ATP13A1: variants seen among roughly 807,000 people sequenced by gnomAD.
ATP13A1 encodes the protein endoplasmic reticulum transmembrane helix translocase.
Under a neutral mutation model 134.8 loss-of-function variants are expected in ATP13A1, and 55 were observed. The ratio of observed to expected loss-of-function variants is 0.41; its 90% CI spans 0.33 to 0.51. ATP13A1 has a LOEUF of 0.51. ATP13A1 is among the 20% of genes least tolerant of loss of function. ATP13A1 has a pLI of 0.29. For missense variants in ATP13A1, 1,389 were observed against 1,652.8 expected, an observed-to-expected ratio of 0.84 and a Z score of 2.77; for synonymous variants, 775 against 725.1, an observed-to-expected ratio of 1.07 and a Z score of -1.10.
Position 19,647,538 on chromosome 19 carries a change from A to G in ATP13A1, c.2794-10T>C. ...CCTGGCTCAGGCGGTCCTGCAGGGT[A>G]GACAGCAGGCTGTCAGCCCTGGCCA... On this transcript the variant is annotated splice_polypyrimidine_tract_variant and intron_variant, in intron 20 of 25. Transcript: ENST00000357324. The surrounding 1 kb of genome is among the most constrained non-coding windows in gnomAD (Gnocchi z 4.8). 2 of 1,612,380 alleles carry G rather than the reference A, an allele frequency of 1.2e-6. No individual in the cohort carries two copies. Among genetic ancestry groups the G allele is most frequent in the Non-Finnish European group, 1.7e-6 (2 of 1,179,102 alleles).
At chr19:19,661,948 T>A (rs2062097480) in intron 1 of ATP13A1, 10 of 1,314,844 alleles carry the variant, frequency 7.6e-6, no homozygotes, top group Non-Finnish European at 1.1e-5. Context: ...TCTGCAGATA[T>A]CATCTCCGCT....
At position 19,654,612 on chromosome 19, in the gene ATP13A1, C is replaced by G; in HGVS notation, c.1744G>C (p.Asp582His). The stretch of plus-strand genomic sequence containing the variant: ...AGAGGGTCACCCACGAGGGTGCCGT[C>G]GTCCAGCTGCATGAGCGAGTGGCAC... ...ASCHSLMQLD[D>H]GTLVGDPLEK... Residue 582 changes from aspartate (D) to histidine (H), a missense_variant, in exon 13 of 26, where the codon GAC becomes CAC. Around this residue, in one of 4 missense-constraint regions of ATP13A1, gnomAD observed 747 missense variants for 956.1 expected, o/e 0.78. Coordinates refer to ENST00000357324, the MANE Select transcript of ATP13A1 (RefSeq NM_020410.3). 1.2e-6 allele frequency: 2 copies of G among 1,613,506 alleles called. No homozygotes were observed. The highest frequency in any genetic ancestry group is 1.7e-6 in the Non-Finnish European group (2 of 1,179,858).
chr19:19,663,545 G>A lies in ATP13A1; in HGVS notation c.122C>T (p.Ala41Val), dbSNP rs1264436466. ...CAGCTCGTCACCGTTCGCTATGAGCGCCGGCCCGGCGGCAAGGAGCGCGCG... is the reference window on the plus strand; with the variant it reads ...CAGCTCGTCACCGTTCGCTATGAGCACCGGCCCGGCGGCAAGGAGCGCGCG... ...QPRALLAAGP[A>V]LIANGDELVA... The change falls in exon 1 of 26, where the codon GCG becomes GTG. Residue 41 changes from alanine to valine, a missense_variant. By Grantham distance (64) the Ala-to-Val change is moderately conservative. Coordinates refer to ENST00000357324, the MANE Select transcript of ATP13A1 (RefSeq NM_020410.3). The A allele has an allele frequency of 6.6e-6, 10 of 1,517,838 alleles. No homozygotes were observed. Among genetic ancestry groups the A allele is most frequent in the Non-Finnish European group, 7.0e-6 (8 of 1,140,824 alleles). 94.0% of individuals were successfully genotyped at this position (1,517,838 alleles called of 1,614,324 possible). A position where few individuals can be genotyped will look rare whatever the true frequency, so the allele number is the denominator to read the frequency against.
rs1599424901 is a variant in ATP13A1 at position 19,645,551 on chromosome 19, A to G, written c.3505-19T>C. On this transcript the variant is annotated intron_variant, in intron 25 of 25. Coordinates refer to ENST00000357324, the MANE Select transcript of ATP13A1 (RefSeq NM_020410.3). The surrounding 1 kb of genome is among the most constrained non-coding windows in gnomAD (Gnocchi z 4.1). ...GCTTGAACTGTCGGGGCAGGGAGGG[A>G]TGGTGAGCTGGAGACCTGCAGCCCA... The G allele has an allele frequency of 1.3e-6, 2 of 1,579,680 alleles. No homozygotes were observed. The highest frequency in any genetic ancestry group is 1.7e-6 in the Non-Finnish European group (2 of 1,163,066).
Position 19,656,042 on chromosome 19 carries a change from T to G in ATP13A1, c.1213+12A>C. 1.9e-6 allele frequency: 3 copies of G among 1,613,086 alleles called. No homozygotes were observed. Among genetic ancestry groups the G allele is most frequent in the South Asian group, 1.1e-5 (1 of 91,088 alleles). ...AAGCCCAGATACCCCCAGACGCCCA[T>G]GAGGCACCTACGCTTCAGGCCCGTG... On this transcript the variant is annotated intron_variant, in intron 8 of 25. Transcript: ENST00000357324. The surrounding 1 kb of genome is among the most constrained non-coding windows in gnomAD (Gnocchi z 4.6).
Position 19,655,282 on chromosome 19 carries a change from C to T in ATP13A1, c.1534+34G>A. 6.2e-7 allele frequency: 1 copy of T among 1,613,946 alleles called. No homozygotes were observed. The highest frequency in any genetic ancestry group is 8.5e-7 in the Non-Finnish European group (1 of 1,179,890). On this transcript the variant is annotated intron_variant, in intron 11 of 25. Coordinates refer to ENST00000357324, the MANE Select transcript of ATP13A1 (RefSeq NM_020410.3). This position sits in a 1 kb window ranked among gnomAD's most constrained non-coding sequence, Gnocchi z 5.7. ...GTCAGGGGTCCTGCTTGGCCCCAGCCCACTCGGCACCCCATCCCATTTGAC... is the reference window on the plus strand; with the variant it reads ...GTCAGGGGTCCTGCTTGGCCCCAGCTCACTCGGCACCCCATCCCATTTGAC...
chr19:19,658,881 C>T (rs28635562), intron 3 of ATP13A1, among the ~76,000 whole-genome samples: 44,411 of 151,450 alleles, frequency 0.29, 6,973 homozygotes, highest in African/African-American at 0.4. Context: ...TTTAGGAGGA[C>T]TGCTTGAGGC....
chr19:19,657,637 G>A (rs778902426), intron 3 of ATP13A1, among the ~76,000 whole-genome samples: 2 of 152,194 alleles, frequency 1.3e-5, no homozygotes, highest in Admixed American at 6.5e-5. Context: ...CACAGCCCTC[G>A]GCTCTGCATA....
chr19:19,647,039 G>A lies in ATP13A1; in HGVS notation c.3105+90C>T. On this transcript the variant is annotated intron_variant, in intron 22 of 25. Transcript: ENST00000357324. The surrounding 1 kb of genome is among the most constrained non-coding windows in gnomAD (Gnocchi z 4.8). The stretch of plus-strand genomic sequence containing the variant: ...CCCCATCTCTGGGGCCCTGGGTCCT[G>A]TAACTTGGGGATGACAATTCCCGTG... 3.6e-6 allele frequency: 5 copies of A among 1,397,856 alleles called. No individual in the cohort carries two copies. The highest frequency in any genetic ancestry group is 3.9e-6 in the Non-Finnish European group (4 of 1,033,030). The allele number at this position is 1,397,856 out of a possible 1,614,324, so 86.6% of individuals were successfully genotyped here.
chr19:19,651,708 C>T lies in ATP13A1; in HGVS notation c.2316G>A (p.Leu772=). The T allele has an allele frequency of 6.2e-7, 1 of 1,612,234 alleles. No individual in the cohort carries two copies. The change falls in exon 17 of 26, where the codon CTG becomes CTA. Residue 772 remains leucine (L), a synonymous_variant. Transcript: ENST00000357324. ...HFIEKAHTLI[L]QPPSEKGRQC... is the part of the protein sequence containing the mutation. ...CCTCACCTTTCTCGGAGGGAGGCTG[C>T]AGGATCAGCGTGTGGGCCTTTTCAA...
At chr19:19,663,073 A>C (rs1464057406) in intron 1 of ATP13A1, 198 bp downstream of exon 1, 2 of 802,092 alleles carry the variant, frequency 2.5e-6, no homozygotes, top group Non-Finnish European at 4.3e-6. Flanking sequence ...AAAGGAAATA[A>C]CCCGCACCAG....
intron 19 of ATP13A1, among the ~76,000 whole-genome samples, chr19:19,648,182 G>A (rs578100296): frequency 5.3e-5 from 8 of 152,200 alleles, no homozygotes; most frequent in Non-Finnish European, 1.2e-4. Context: ...AGCCAGGGGT[G>A]GTGGCATGTG....
At chr19:19,649,997 C>T in intron 17 of ATP13A1, 57 bp from the exon 18 acceptor site, 1 of 1,469,778 alleles carries the variant, frequency 6.8e-7, no homozygotes, top group Non-Finnish European at 9.1e-7. Context: ...CTCAGAAGCA[C>T]CCTCCCTCCA....
At chr19:19,654,732 T>G in intron 12 of ATP13A1, 32 bp from the exon 13 acceptor site, 1 of 1,588,228 alleles carries the variant, frequency 6.3e-7, no homozygotes, top group East Asian at 2.2e-5. Flanking sequence ...GGTTACAGAG[T>G]GCAGGCGGGT....
Position 19,647,847 on chromosome 19 carries a change from C to A in ATP13A1, c.2633-88G>T. ...TTCAGAGCCACTGGTCCTGAAGTCC[C>A]CCAGCTGGCTCCCGTGAGGACAGTT... On this transcript the variant is annotated intron_variant, in intron 19 of 25. Coordinates refer to ENST00000357324, the MANE Select transcript of ATP13A1 (RefSeq NM_020410.3). This position sits in a 1 kb window ranked among gnomAD's most constrained non-coding sequence, Gnocchi z 4.8. 6.9e-7 allele frequency: 1 copy of A among 1,456,740 alleles called. No individual in the cohort carries two copies. Among genetic ancestry groups the A allele is most frequent in the Non-Finnish European group, 9.1e-7 (1 of 1,095,728 alleles). The allele number at this position is 1,456,740 out of a possible 1,614,324, so 90.2% of individuals were successfully genotyped here. A position where few individuals can be genotyped will look rare whatever the true frequency, so the allele number is the denominator to read the frequency against.
At position 19,653,310 on chromosome 19, in the gene ATP13A1, C is replaced by G; in HGVS notation, c.2100+474G>C. The G allele has an allele frequency of 5.3e-6, 1 of 187,444 alleles. No individual in the cohort carries two copies. Among genetic ancestry groups the G allele is most frequent in the East Asian group, 1.5e-4 (1 of 6,538 alleles). The allele number at this position is 187,444 out of a possible 1,614,324, so 11.6% of individuals were successfully genotyped here. ...GCAGGAACGGGGCAGAGCATGCAGG[C>G]TGTGAGCTGTGGCCTGGGCTCTGCA... On this transcript the variant is annotated intron_variant, in intron 15 of 25. Transcript: ENST00000357324. This position sits in a 1 kb window ranked among gnomAD's most constrained non-coding sequence, Gnocchi z 4.2.
At chr19:19,649,464 T>C (rs1295203888) in intron 19 of ATP13A1, 103 bp downstream of exon 19, 4 of 1,206,306 alleles carry the variant, frequency 3.3e-6, no homozygotes, top group African/African-American at 1.5e-5. Flanking sequence ...CAGGAATTAG[T>C]GCCCCCGTGG....
intron 4 of ATP13A1, 37 bp from the exon 5 acceptor site, chr19:19,657,186 G>A (rs1426064578): frequency 4.0e-6 from 6 of 1,494,666 alleles, no homozygotes; most frequent in South Asian, 2.8e-5. Context: ...TGCCCTACCC[G>A]CCCTGTTCCC....
chr19:19,655,485 T>C lies in ATP13A1; in HGVS notation c.1397-32A>G. The C allele has an allele frequency of 6.2e-7, 1 of 1,613,874 alleles. No individual in the cohort carries two copies. The highest frequency in any genetic ancestry group is 8.5e-7 in the Non-Finnish European group (1 of 1,179,842). ...AGACAGGGCCTGCCAACCTGGAGCC[T>C]CGGAGGGTGGGCGCAGGGGACCACA... On this transcript the variant is annotated intron_variant, in intron 10 of 25. Coordinates refer to ENST00000357324, the MANE Select transcript of ATP13A1 (RefSeq NM_020410.3). The surrounding 1 kb of genome is among the most constrained non-coding windows in gnomAD (Gnocchi z 5.7).
Sources: allele counts gnomAD v4.1 joint callset (sites outside exome capture counted in the v4.1 genomes callset), GRCh38; gene constraint gnomAD v4.1.1; regional missense constraint gnomAD v4.1.1; non-coding constraint Gnocchi (gnomAD v3.1); transcripts MANE v1.5; gene names NCBI Gene and HGNC (gene_info 2026-07-23, HGNC 2026-07-21).